The following WDPCP variants were observed in gnomAD, a reference collection of about 807,000 sequenced individuals.
WDPCP encodes WD repeat containing planar cell polarity effector.
WDPCP carries 71 observed loss-of-function variants against 93.1 expected under a neutral mutation model. The ratio of observed to expected loss-of-function variants is 0.76; its 90% CI spans 0.63 to 0.93. The LOEUF (loss-of-function observed/expected upper bound fraction) is 0.93. Ranked by LOEUF, WDPCP falls within the 40% of genes least tolerant of loss-of-function variation. The pLI is 0.00. For synonymous variants in WDPCP, 315 were observed against 315.0 expected, an observed-to-expected ratio of 1.00 and a Z score of 0.00; for missense variants, 844 against 887.4, an observed-to-expected ratio of 0.95 and a Z score of 0.62.
chr2:63,399,612 C>T (rs1199218020), intron 10 of WDPCP, among the ~76,000 whole-genome samples: 11 of 62,474 alleles, frequency 1.8e-4, no homozygotes, highest in African/African-American at 6.2e-4. Flanking sequence ...GGGCGGGGGG[C>T]GGGAAGAGAG....
intron 10 of WDPCP, among the ~76,000 whole-genome samples, chr2:63,397,613 C>T (rs1693834924): frequency 6.6e-6 from 1 of 152,082 alleles, no homozygotes; most frequent in African/African-American, 2.4e-5. Context: ...TAGAAAGTTG[C>T]ATTTGGGATC....
At chr2:63,291,960 C>T (rs568769913) in intron 13 of WDPCP, among the ~76,000 whole-genome samples, 57 of 151,490 alleles carry the variant, frequency 3.8e-4, no homozygotes, top group African/African-American at 1.3e-3. Flanking sequence ...GTTGAAACCC[C>T]GTCTGTACTA....
chr2:63,229,465 T>G (rs1574932949), intron 14 of WDPCP: 1 of 151,822 alleles, frequency 6.6e-6, no homozygotes, highest in East Asian at 1.9e-4. Context: ...ATTTTGGCTT[T>G]TGTTGCCATT....
chr2:63,526,530 A>G (rs898154169), intron 1 of WDPCP, among the ~76,000 whole-genome samples: 9 of 152,320 alleles, frequency 5.9e-5, no homozygotes, highest in Non-Finnish European at 8.8e-5. Context: ...GCCATGACCT[A>G]CCTTTCCAAA....
chr2:63,805,656 C>A (rs371742829), intron 2 of WDPCP, among the ~76,000 whole-genome samples: 1 of 152,184 alleles, frequency 6.6e-6, no homozygotes, highest in Non-Finnish European at 1.5e-5. Flanking sequence ...TAGGGATAAG[C>A]ACACCATCTC....
At chr2:63,476,325 A>G (rs2105855116) in intron 6 of WDPCP, among the ~76,000 whole-genome samples, 1 of 152,268 alleles carries the variant, frequency 6.6e-6, no homozygotes, top group East Asian at 1.9e-4. Flanking sequence ...AACATGAACC[A>G]TGTATTTCTA....
At chr2:63,145,151 G>A (rs1022781302) in intron 17 of WDPCP, among the ~76,000 whole-genome samples, 9 of 152,282 alleles carry the variant, frequency 5.9e-5, no homozygotes, top group Admixed American at 5.2e-4. Flanking sequence ...GCCTGTTCCA[G>A]TGGAGATGGC....
intron 2 of WDPCP, among the ~76,000 whole-genome samples, chr2:63,782,521 T>C (rs1402580422): frequency 1.3e-5 from 2 of 152,152 alleles, no homozygotes; most frequent in East Asian, 1.9e-4. Flanking sequence ...TAGACATTTT[T>C]CAAGAGAAGA....
At chr2:63,164,180 C>G (rs976963579) in intron 15 of WDPCP, among the ~76,000 whole-genome samples, 27 of 152,222 alleles carry the variant, frequency 1.8e-4, no homozygotes, top group Admixed American at 7.2e-4. Flanking sequence ...ATTTGAAATA[C>G]AAGAACTAGT....
At chr2:63,662,382 T>C (rs1170024733) in intron 2 of WDPCP, among the ~76,000 whole-genome samples, 3 of 152,206 alleles carry the variant, frequency 2.0e-5, no homozygotes, top group Non-Finnish European at 4.4e-5. Flanking sequence ...TGTATATATG[T>C]ATATGTATGT....
Position 63,437,540 on chromosome 2 carries a change from T to C in WDPCP, c.514A>G (p.Ser172Gly). ...DTISDALLTD[S>G]FIILSFLAQN... Reference sequence around the variant, plus strand: ...GCCAAAAATGATAAGATGATAAAACTGTCTGTGAGAAGAGCTAAAAAACAT... The same window carrying C: ...GCCAAAAATGATAAGATGATAAAACCGTCTGTGAGAAGAGCTAAAAAACAT... Residue 172 changes from serine (S) to glycine (G), a missense_variant, in exon 8 of 18, where the codon AGT (serine) becomes GGT (glycine). By Grantham distance (56) the Ser-to-Gly change is moderately conservative. Transcript: ENST00000272321. 6.3e-7 allele frequency: 1 copy of C among 1,590,654 alleles called. No individual in the cohort carries two copies. The highest frequency in any genetic ancestry group is 8.6e-7 in the Non-Finnish European group (1 of 1,168,830).
At chr2:63,247,359 G>T (rs770308987) in intron 14 of WDPCP, among the ~76,000 whole-genome samples, 1 of 152,086 alleles carries the variant, frequency 6.6e-6, no homozygotes, top group African/African-American at 2.4e-5. Context: ...TTTTACTGTA[G>T]TAATGGTATG....
At chr2:63,689,321 T>A (rs1314609207) in intron 2 of WDPCP, among the ~76,000 whole-genome samples, 1 of 152,174 alleles carries the variant, frequency 6.6e-6, no homozygotes, top group East Asian at 1.9e-4. Context: ...CAAATTTAGA[T>A]AATCTGGTCA....
chr2:63,408,330 G>C (rs931698555), intron 9 of WDPCP, among the ~76,000 whole-genome samples: 1 of 152,146 alleles, frequency 6.6e-6, no homozygotes. Context: ...AGAAACTGAA[G>C]GTCTGTTTGT....
At chr2:63,265,470 C>A (rs1209610311) in intron 13 of WDPCP, among the ~76,000 whole-genome samples, 3 of 151,976 alleles carry the variant, frequency 2.0e-5, no homozygotes, top group Non-Finnish European at 4.4e-5. Flanking sequence ...TCTACTAAGT[C>A]AGGAAAGAAA....
chr2:63,566,387 C>T (rs1316547560), intron 1 of WDPCP, among the ~76,000 whole-genome samples: 1 of 152,334 alleles, frequency 6.6e-6, no homozygotes, highest in Admixed American at 6.5e-5. Context: ...GTCGTCCTGC[C>T]TTTGCTTCAA....
At chr2:63,353,056 C>G (rs990158592) in intron 12 of WDPCP, among the ~76,000 whole-genome samples, 1 of 152,098 alleles carries the variant, frequency 6.6e-6, no homozygotes, top group Non-Finnish European at 1.5e-5. Context: ...CACAACAGGA[C>G]GATGGCCCAC....
At chr2:63,731,593 A>T (rs1302662945) in intron 2 of WDPCP, among the ~76,000 whole-genome samples, 1 of 152,234 alleles carries the variant, frequency 6.6e-6, no homozygotes, top group African/African-American at 2.4e-5. Context: ...GGTATGGCAA[A>T]AAGTGAGAAG....
At chr2:63,756,805 A>C (rs1669975240) in intron 2 of WDPCP, among the ~76,000 whole-genome samples, 1 of 152,218 alleles carries the variant, frequency 6.6e-6, no homozygotes, top group Admixed American at 6.5e-5. Flanking sequence ...TTGGTCCTTT[A>C]ATCCTGTTAA....
Sources: gnomAD v4.1 joint callset for allele counts (sites outside exome capture counted in the v4.1 genomes callset) on GRCh38, gnomAD v4.1.1 for gene constraint, MANE v1.5 for transcripts, NCBI Gene and HGNC (gene_info 2026-07-23, HGNC 2026-07-21) for gene names.